PTPRT: variants seen among roughly 807,000 people sequenced by gnomAD.
The protein encoded by PTPRT is receptor-type tyrosine-protein phosphatase T.
Under a neutral mutation model 176.8 loss-of-function variants are expected in PTPRT, and 56 were observed. The observed-to-expected ratio is 0.32, with a 90% CI of 0.26 to 0.40. PTPRT has a LOEUF of 0.40. PTPRT is among the 10% of genes least tolerant of loss of function. The probability of loss-of-function intolerance (pLI) is 1.00; values close to 1 mark genes in which losing one functional copy is unlikely to be tolerated. For missense variants in PTPRT, 1,540 were observed against 1,908.2 expected (o/e 0.81, Z 3.60); for synonymous variants, 783 against 739.0 (o/e 1.06, Z -0.96).
the PTPRT span, among the ~76,000 whole-genome samples, chr20:42,050,833 T>C: frequency 6.6e-6 from 1 of 152,156 alleles, no homozygotes; most frequent in East Asian, 1.9e-4. Context: ...ATTCAGTCAC[T>C]GTGCCCCTGA....
intron 6 of PTPRT, among the ~76,000 whole-genome samples, chr20:42,739,725 GTAT>G: frequency 6.6e-6 from 1 of 152,182 alleles, no homozygotes; most frequent in East Asian, 1.9e-4. Context: ...AAAATTTAAG[GTAT>G]TAATAGATCA....
intron 7 of PTPRT, among the ~76,000 whole-genome samples, chr20:42,652,443 G>T (rs1482080093): frequency 1.3e-5 from 2 of 152,128 alleles, no homozygotes; most frequent in Non-Finnish European, 2.9e-5. Flanking sequence ...ACGAAGCAGG[G>T]TGTTGTAACT....
Position 42,661,884 on chromosome 20 carries a change from C to A in PTPRT, c.1153+15982G>T, listed in dbSNP as rs532125216. 2.6e-5 allele frequency among the ~76,000 whole-genome samples: 4 copies of A among 152,338 alleles called. No homozygotes were observed. The South Asian group carries it at 8.3e-4, about 32-fold the overall frequency. The stretch of plus-strand genomic sequence containing the variant: ...GGCTCACTGCTCAGGATAACTCTCC[C>A]ATTCTTCTCACTGCAGGGAGACCTC... On this transcript the variant is annotated intron_variant, in intron 7 of 30. Coordinates refer to ENST00000373187, the MANE Select transcript of PTPRT (RefSeq NM_007050.6).
chr20:43,042,799 A>G (rs1301650870), intron 1 of PTPRT, among the ~76,000 whole-genome samples: 2 of 146,706 alleles, frequency 1.4e-5, no homozygotes, highest in African/African-American at 2.6e-5. Flanking sequence ...TATTTCCTCT[A>G]TCCCAAGCGC....
At chr20:43,105,302 A>C (rs1362929112) in intron 1 of PTPRT, among the ~76,000 whole-genome samples, 1 of 152,096 alleles carries the variant, frequency 6.6e-6, no homozygotes, top group African/African-American at 2.4e-5. Flanking sequence ...TATGGACTCC[A>C]CTGCTTCCAG....
At chr20:42,547,750 A>T (rs1183419710) in intron 7 of PTPRT, among the ~76,000 whole-genome samples, 1 of 152,042 alleles carries the variant, frequency 6.6e-6, no homozygotes, top group East Asian at 1.9e-4. Flanking sequence ...AGAGAAAAGG[A>T]TCAGAATGAG....
rs376523714 is a variant in PTPRT, at chr20:42,847,147, T to A, written c.214+38660A>T. Among the ~76,000 whole-genome samples, 14 of 152,236 alleles carry A rather than the reference T, an allele frequency of 9.2e-5. No individual in the cohort carries two copies. In the East Asian group the frequency reaches 1.2e-3, roughly 13 times the overall value. On this transcript the variant is annotated intron_variant, in intron 2 of 30. Transcript: ENST00000373187. ...ATCCAAGGCAAGTTAACAAAGGGAA[T>A]ATTTACAAAGGTACAAAGCGGGCAA...
At chr20:43,130,901 C>G (rs947206) in intron 1 of PTPRT, among the ~76,000 whole-genome samples, 49,846 of 151,106 alleles carry the variant, frequency 0.33, 9,033 homozygotes, top group East Asian at 0.79. Context: ...AGCTCAGAAA[C>G]AAGCCAAAGT....
At chr20:42,231,323 G>A (rs963990046) in intron 15 of PTPRT, among the ~76,000 whole-genome samples, 9 of 152,212 alleles carry the variant, frequency 5.9e-5, no homozygotes, top group African/African-American at 1.9e-4. Flanking sequence ...TAGGGCTTGT[G>A]GGCCATGTGG....
intron 16 of PTPRT, among the ~76,000 whole-genome samples, chr20:42,162,473 C>A (rs1377656248): frequency 6.6e-6 from 1 of 152,186 alleles, no homozygotes; most frequent in Non-Finnish European, 1.5e-5. Flanking sequence ...CGACTAGAAC[C>A]AATTTCTTGC....
At chr20:42,404,045 T>G (rs781467111) in intron 9 of PTPRT, among the ~76,000 whole-genome samples, 1 of 152,160 alleles carries the variant, frequency 6.6e-6, no homozygotes, top group Non-Finnish European at 1.5e-5. Context: ...CAGCTGAGCT[T>G]CTTCCACATT....
chr20:42,834,052 T>C lies in PTPRT; in HGVS notation c.215-42586A>G, dbSNP rs60135762. 3.8e-3 allele frequency among the ~76,000 whole-genome samples: 581 copies of C among 151,790 alleles called. 4 individuals carry two copies. Among genetic ancestry groups the C allele is most frequent in the African/African-American group, 0.013 (549 of 41,462 alleles). On this transcript the variant is annotated intron_variant, in intron 2 of 30. Coordinates refer to ENST00000373187, the MANE Select transcript of PTPRT (RefSeq NM_007050.6). ...TTAAAATATTTTGCTCTGTAAAAGA[T>C]ACTGGTAAGAGAATAAAAAGACAAG... is the stretch of plus-strand genomic sequence containing the variant.
At chr20:42,385,336 T>G (rs2058734801) in intron 9 of PTPRT, among the ~76,000 whole-genome samples, 1 of 152,178 alleles carries the variant, frequency 6.6e-6, no homozygotes, top group African/African-American at 2.4e-5. Flanking sequence ...GGCATTATGC[T>G]AAGTGAAATA....
chr20:42,707,873 G>T (rs999320201), intron 6 of PTPRT, among the ~76,000 whole-genome samples: 1 of 152,154 alleles, frequency 6.6e-6, no homozygotes, highest in African/African-American at 2.4e-5. Context: ...CTTGACTCCA[G>T]CTTTGTGTTA....
rs1004550426 is a variant in PTPRT, at chr20:42,412,611, T to A, written c.1560+35609A>T. 2.0e-5 allele frequency among the ~76,000 whole-genome samples: 3 copies of A among 152,234 alleles called. No individual in the cohort carries two copies. The South Asian group carries it at 6.2e-4, about 31-fold the overall frequency. On this transcript the variant is annotated intron_variant, in intron 9 of 30. Coordinates refer to ENST00000373187, the MANE Select transcript of PTPRT (RefSeq NM_007050.6). ...TCAAAGACTTGTACACAAATATTCA[T>A]AACAGTTTTACCTATAGTAGACAAA...
At chr20:42,540,705 A>C (rs1387440435) in intron 7 of PTPRT, among the ~76,000 whole-genome samples, 1 of 152,224 alleles carries the variant, frequency 6.6e-6, no homozygotes, top group African/African-American at 2.4e-5. Flanking sequence ...TAAACAAGTC[A>C]AATATTAGCT....
Position 42,074,073 on chromosome 20 carries a change from A to G in PTPRT, c.*6806T>C, listed in dbSNP as rs1356788961. On this transcript the variant is annotated 3_prime_UTR_variant, in exon 31 of 31. Coordinates refer to ENST00000373187, the MANE Select transcript of PTPRT (RefSeq NM_007050.6). ...ACTTCATCCAAGAATCTGCAGAGCT[A>G]TGGAAGATATGGACACCATATTCTG... The G allele has an allele frequency of 1.3e-5, 3 of 229,482 alleles. No homozygotes were observed. Among genetic ancestry groups the G allele is most frequent in the East Asian group, 1.2e-4 (2 of 16,122 alleles). 14.2% of individuals were successfully genotyped at this position (229,482 alleles called of 1,614,324 possible).
rs562888614 is a variant in PTPRT at position 42,573,290 on chromosome 20, G to A, written c.1154-100728C>T. Among the ~76,000 whole-genome samples the A allele has an allele frequency of 9.0e-4, 137 of 152,250 alleles. 1 individual carries two copies. The highest frequency in any genetic ancestry group is 3.2e-3 in the African/African-American group (131 of 41,548). ...TGCACTGGGCAAGGCAAGCACCCTG[G>A]CCACTAGGGGCCTTCCACAGTGGCA... On this transcript the variant is annotated intron_variant, in intron 7 of 30. Coordinates refer to ENST00000373187, the MANE Select transcript of PTPRT (RefSeq NM_007050.6).
intron 18 of PTPRT, among the ~76,000 whole-genome samples, chr20:42,138,230 T>C (rs1988461180): frequency 6.6e-6 from 1 of 152,214 alleles, no homozygotes; most frequent in Admixed American, 6.5e-5. Context: ...AGATCTCCTG[T>C]TCTCTGGATT....
Sources: gnomAD v4.1 joint callset for allele counts (sites outside exome capture counted in the v4.1 genomes callset) on GRCh38, gnomAD v4.1.1 for gene constraint, MANE v1.5 for transcripts, NCBI Gene and HGNC (gene_info 2026-07-23, HGNC 2026-07-21) for gene names.